The following EHMT1 variants were observed in gnomAD, a reference collection of about 807,000 sequenced individuals.
EHMT1 encodes euchromatic histone lysine methyltransferase 1.
Under a neutral mutation model 147.2 loss-of-function variants are expected in EHMT1, and 15 were observed. The ratio of observed to expected loss-of-function variants is 0.10; its 90% CI spans 0.07 to 0.16. EHMT1 has a LOEUF of 0.16. Among genes scored for constraint, EHMT1 ranks in the 10% least tolerant of loss-of-function variants. The pLI is 1.00. For synonymous variants in EHMT1, 795 were observed against 709.6 expected, an observed-to-expected ratio of 1.12 and a Z score of -1.91; for missense variants, 1,587 against 1,772.4, an observed-to-expected ratio of 0.90 and a Z score of 1.88.
chr9:137,657,511 T>TTAA (rs1207612863), intron 1 of EHMT1, among the ~76,000 whole-genome samples: 1 of 151,306 alleles, frequency 6.6e-6, no homozygotes, highest in African/African-American at 2.4e-5. Context: ...TTTTTTTTTT[T>TTAA]TAATAAAAAT....
chr9:137,668,697 T>G (rs892441401), intron 1 of EHMT1, among the ~76,000 whole-genome samples: 1 of 151,760 alleles, frequency 6.6e-6, no homozygotes, highest in Non-Finnish European at 1.5e-5. Flanking sequence ...TCTGTTGTCT[T>G]TCGTGCCTGA....
At chr9:137,720,205 AC>A (rs1025950386) in intron 3 of EHMT1, among the ~76,000 whole-genome samples, 3 of 149,896 alleles carry the variant, frequency 2.0e-5, no homozygotes, top group Non-Finnish European at 4.4e-5. Context: ...GAGATATGGA[AC>A]CCCCCACACC....
chr9:137,775,008 G>C lies in EHMT1; in HGVS notation c.1648-101G>C. On this transcript the variant is annotated intron_variant, in intron 10 of 26. Transcript: ENST00000460843. The surrounding 1 kb of genome is among the most constrained non-coding windows in gnomAD (Gnocchi z 6.1). ...GGCTCGGCTCAGTCAGCCCACACCT[G>C]CTGAGCAGCTCTTGTGTGCCTGCAC... 6.4e-7 allele frequency: 1 copy of C among 1,561,726 alleles called. No individual in the cohort carries two copies. The highest frequency in any genetic ancestry group is 8.8e-7 in the Non-Finnish European group (1 of 1,136,688).
Position 137,717,076 on chromosome 9 carries a change from T to C in EHMT1, c.536T>C (p.Leu179Pro), listed in dbSNP as rs770507570. The C allele has an allele frequency of 6.2e-7, 1 of 1,610,640 alleles. No individual in the cohort carries two copies. Among genetic ancestry groups the C allele is most frequent in the Admixed American group, 1.7e-5 (1 of 59,890 alleles). ...PQTPAAPPAT[L>P]GEGSADTEDR... is the part of the protein sequence containing the mutation. Reference sequence around the variant, plus strand: ...ACGCCAGCCGCCCCACCAGCCACCCTTGGGGAGGGGAGTGCTGACACAGAG... The same window carrying C: ...ACGCCAGCCGCCCCACCAGCCACCCCTGGGGAGGGGAGTGCTGACACAGAG... Residue 179 changes from leucine (L) to proline (P), a missense_variant, in exon 3 of 27, where the codon CTT (leucine) becomes CCT (proline). By Grantham distance (98) the Leu-to-Pro change is moderately conservative. This residue lies in a region of EHMT1 where 810 missense variants were observed against 673.0 expected (regional missense o/e 1.20). Transcript: ENST00000460843.
At chr9:137,672,978 C>A (rs907996612) in intron 1 of EHMT1, among the ~76,000 whole-genome samples, 10 of 152,220 alleles carry the variant, frequency 6.6e-5, no homozygotes, top group Non-Finnish European at 4.4e-5. Context: ...TTTAAGCCTG[C>A]ATTTACACTT....
chr9:137,641,813 T>C (rs572184831), intron 1 of EHMT1, among the ~76,000 whole-genome samples: 1 of 151,940 alleles, frequency 6.6e-6, no homozygotes, highest in Non-Finnish European at 1.5e-5. Context: ...AAGAAGCTCA[T>C]AGGACTAAGA....
At chr9:137,822,851 C>T (rs921422800) in intron 25 of EHMT1, among the ~76,000 whole-genome samples, 4 of 149,892 alleles carry the variant, frequency 2.7e-5, no homozygotes, top group African/African-American at 1.0e-4. Flanking sequence ...CAAGATCATG[C>T]CATTGCACTG....
At position 137,692,186 on chromosome 9, in the gene EHMT1, C is replaced by T. The variant is rs111524462; in HGVS notation, c.22-18781C>T. 9.9e-3 allele frequency among the ~76,000 whole-genome samples: 1,507 copies of T among 152,076 alleles called. 16 individuals are homozygous for T. Among genetic ancestry groups the T allele is most frequent in the African/African-American group, 0.034 (1,418 of 41,478 alleles). On this transcript the variant is annotated intron_variant, in intron 1 of 26. Transcript: ENST00000460843. ...CTTCAGCGCTGATGAAGAACGTTTA[C>T]GTGCACCTGTGGATCTTTCACATGG...
chr9:137,694,170 C>T (rs1384914462), intron 1 of EHMT1, among the ~76,000 whole-genome samples: 4 of 130,854 alleles, frequency 3.1e-5, no homozygotes, highest in Non-Finnish European at 4.8e-5. Flanking sequence ...GGGCGCAGGA[C>T]GCTGGCCGAT....
intron 2 of EHMT1, among the ~76,000 whole-genome samples, chr9:137,714,156 C>T (rs894294672): frequency 3.9e-5 from 6 of 152,098 alleles, no homozygotes; most frequent in African/African-American, 9.7e-5. Context: ...GGCCCTACTT[C>T]GAATCTCTAG....
At chr9:137,705,579 G>A (rs1359059164) in intron 1 of EHMT1, among the ~76,000 whole-genome samples, 1 of 152,224 alleles carries the variant, frequency 6.6e-6, no homozygotes, top group Non-Finnish European at 1.5e-5. Context: ...AAAATGTAAG[G>A]TCTGTTGCTC....
chr9:137,820,008 T>TG (rs1955278665), intron 25 of EHMT1: 2 of 152,098 alleles, frequency 1.3e-5, no homozygotes, highest in Admixed American at 1.3e-4. Flanking sequence ...TCCAAGCCAG[T>TG]GGGGAAATAA....
intron 1 of EHMT1, among the ~76,000 whole-genome samples, chr9:137,686,464 ACT>A (rs1942444142): frequency 6.6e-6 from 1 of 150,562 alleles, no homozygotes; most frequent in South Asian, 2.1e-4. Context: ...ATCACAGCTC[ACT>A]CTAGCCCTGA....
chr9:137,699,661 C>T (rs998982223), intron 1 of EHMT1, among the ~76,000 whole-genome samples: 19 of 144,486 alleles, frequency 1.3e-4, no homozygotes, highest in Non-Finnish European at 6.0e-5. Flanking sequence ...GGTGACAGAG[C>T]AAGACTCTGT....
chr9:137,619,434 C>G (rs1484383287), intron 1 of EHMT1, among the ~76,000 whole-genome samples: 1 of 151,766 alleles, frequency 6.6e-6, no homozygotes, highest in Non-Finnish European at 1.5e-5. Context: ...GTGCGGAGGA[C>G]AAAAGGAAAA....
At chr9:137,641,419 C>T in intron 1 of EHMT1, 1 of 534,074 alleles carries the variant, frequency 1.9e-6, no homozygotes, top group Non-Finnish European at 3.7e-6. Context: ...AATTCTGTCA[C>T]TTCAGCACTG....
At chr9:137,677,460 T>TTG (rs1941474042) in intron 1 of EHMT1, among the ~76,000 whole-genome samples, 1 of 152,054 alleles carries the variant, frequency 6.6e-6, no homozygotes, top group Admixed American at 6.6e-5. Flanking sequence ...AATTTTTTTT[T>TTG]TCTTTGAGAT....
chr9:137,725,318 C>T (rs1428988898), intron 3 of EHMT1, among the ~76,000 whole-genome samples: 3 of 152,092 alleles, frequency 2.0e-5, no homozygotes, highest in East Asian at 1.9e-4. Flanking sequence ...ATGTGGCCTT[C>T]GTGGGGCTTT....
In EHMT1 at chr9:137,728,096, C is replaced by G. The variant is rs547889784; in HGVS notation, c.643-253C>G. Among the ~76,000 whole-genome samples the G allele has an allele frequency of 3.1e-4, 47 of 152,328 alleles. 1 individual carries two copies. Among genetic ancestry groups the G allele is most frequent in the Admixed American group, 2.7e-3 (41 of 15,306 alleles). On this transcript the variant is annotated intron_variant, in intron 3 of 26. Coordinates refer to ENST00000460843, the MANE Select transcript of EHMT1 (RefSeq NM_024757.5). ...CCTCCTGCTCATTCCTCCTTCTGGC[C>G]TTTAGCCCTGTAAATGCTGTTCTTA...
Sources: allele counts gnomAD v4.1 joint callset (sites outside exome capture counted in the v4.1 genomes callset), GRCh38; gene constraint gnomAD v4.1.1; regional missense constraint gnomAD v4.1.1; non-coding constraint Gnocchi (gnomAD v3.1); transcripts MANE v1.5; gene names NCBI Gene and HGNC (gene_info 2026-07-23, HGNC 2026-07-21).